Variants in SNX16 observed in about 807,000 individuals in gnomAD.
The protein encoded by SNX16 is sorting nexin 16.
SNX16 carries 35 observed loss-of-function variants against 36.7 expected under a neutral mutation model. The ratio of observed to expected loss-of-function variants is 0.95; its 90% CI spans 0.73 to 1.27. SNX16 has a LOEUF of 1.27. Ranked by LOEUF, SNX16 falls within the 50% of genes most tolerant of loss-of-function variation. The probability of loss-of-function intolerance (pLI) is 0.00; values close to 1 mark genes in which losing one functional copy is unlikely to be tolerated. For missense variants in SNX16, 367 were observed against 393.6 expected, an observed-to-expected ratio of 0.93 and a Z score of 0.57; for synonymous variants, 134 against 132.0, an observed-to-expected ratio of 1.02 and a Z score of -0.10.
At chr8:81,839,520 G>T in intron 2 of SNX16, 92 bp downstream of exon 2, 1 of 1,219,332 alleles carries the variant, frequency 8.2e-7, no homozygotes, top group Non-Finnish European at 1.1e-6. Flanking sequence ...GAAATTATAA[G>T]TACAAGTTTA....
intron 5 of SNX16, among the ~76,000 whole-genome samples, chr8:81,813,048 G>A (rs1312806025): frequency 6.6e-6 from 1 of 151,966 alleles, no homozygotes; most frequent in East Asian, 1.9e-4. Context: ...GGAGACAGAT[G>A]AGAGAAACAG....
chr8:81,837,378 C>G (rs929821771), intron 2 of SNX16, among the ~76,000 whole-genome samples: 3 of 152,212 alleles, frequency 2.0e-5, no homozygotes, highest in African/African-American at 7.2e-5. Context: ...TGGCCAAATA[C>G]TTGCATCTTC....
chr8:81,838,138 G>C (rs1811573796), intron 2 of SNX16, among the ~76,000 whole-genome samples: 1 of 152,056 alleles, frequency 6.6e-6, no homozygotes, highest in Admixed American at 6.6e-5. Flanking sequence ...TCTCTCACAA[G>C]AACATCAAAC....
chr8:81,806,323 G>A (rs1197370957), intron 5 of SNX16, among the ~76,000 whole-genome samples: 2 of 151,466 alleles, frequency 1.3e-5, no homozygotes, highest in South Asian at 2.1e-4. Context: ...AAAAAAATAC[G>A]CTGAATTTGC....
chr8:81,813,623 G>T (rs1179777652), intron 5 of SNX16, among the ~76,000 whole-genome samples: 2 of 151,792 alleles, frequency 1.3e-5, no homozygotes, highest in African/African-American at 2.4e-5. Context: ...TTCAAAGAAT[G>T]CCATTAAGAG....
In SNX16 at chr8:81,839,862, C is replaced by A. The variant is rs781042193; in HGVS notation, c.125G>T (p.Gly42Val). 1.2e-6 allele frequency: 2 copies of A among 1,613,850 alleles called. No homozygotes were observed. The highest frequency in any genetic ancestry group is 2.7e-5 in the African/African-American group (2 of 74,894). ...SVSTSSNSSK[G>V]QLEDSNMGNF... ...ACCCATATTTGAGTCTTCTAACTGGCCCTTAGAAGAATTTGAGCTTGTTGA... is the reference window on the plus strand; with the variant it reads ...ACCCATATTTGAGTCTTCTAACTGGACCTTAGAAGAATTTGAGCTTGTTGA... Residue 42 changes from glycine (G) to valine (V), a missense_variant, in exon 2 of 8, where the codon GGC (glycine) becomes GTC (valine). Physicochemically the swap from Gly to Val is moderately radical, Grantham distance 109 (BLOSUM62 -3). Coordinates refer to ENST00000345957, the MANE Select transcript of SNX16 (RefSeq NM_152836.3).
At position 81,839,844 on chromosome 8, in the gene SNX16, T is replaced by C. The variant is rs139939820; in HGVS notation, c.143A>G (p.Asn48Ser). 6,274 of 1,614,034 alleles carry C rather than the reference T, an allele frequency of 3.9e-3. 31 individuals are homozygous for C. Among genetic ancestry groups the C allele is most frequent in the South Asian group, 7.3e-3 (669 of 91,080 alleles). Residue 48 changes from asparagine (N) to serine (S), a missense_variant, in exon 2 of 8, where the codon AAT becomes AGT. By Grantham distance (46) the Asn-to-Ser change is conservative. Coordinates refer to ENST00000345957, the MANE Select transcript of SNX16 (RefSeq NM_152836.3). ...ACTTGTCTGTTTAAAATTACCCATA[T>C]TTGAGTCTTCTAACTGGCCCTTAGA... ...NSSKGQLEDS[N>S]MGNFKQTSVP...
chr8:81,812,852 T>C (rs1022356034), intron 5 of SNX16, among the ~76,000 whole-genome samples: 1 of 151,944 alleles, frequency 6.6e-6, no homozygotes, highest in Non-Finnish European at 1.5e-5. Flanking sequence ...ATATGTAAAA[T>C]AGATAACAAT....
intron 2 of SNX16, 109 bp downstream of exon 2, chr8:81,839,503 T>C (rs1811638956): frequency 8.8e-7 from 1 of 1,135,900 alleles, no homozygotes; most frequent in Non-Finnish European, 1.2e-6. Flanking sequence ...TAGAATTTCA[T>C]ATTCAAGAAA....
chr8:81,823,449 T>C (rs1810867753), intron 4 of SNX16, among the ~76,000 whole-genome samples: 1 of 152,094 alleles, frequency 6.6e-6, no homozygotes, highest in Non-Finnish European at 1.5e-5. Flanking sequence ...TTACATAGTA[T>C]CATATTAACC....
rs1326389688 is a variant in SNX16 at position 81,800,842 on chromosome 8, T to C, written c.*655A>G. On this transcript the variant is annotated 3_prime_UTR_variant, in exon 8 of 8. Transcript: ENST00000345957. ...TAACTGTGACACTTATTAAAGTATT[T>C]TGATATTAATGAATCAGCTTTTAAA... 1.3e-5 allele frequency: 2 copies of C among 152,228 alleles called. No individual in the cohort carries two copies. The highest frequency in any genetic ancestry group is 3.0e-5 in the Non-Finnish European group (2 of 67,676). The allele number at this position is 152,228 out of a possible 1,614,324, so 9.4% of individuals were successfully genotyped here.
chr8:81,825,498 A>G (rs1810970381), intron 3 of SNX16, among the ~76,000 whole-genome samples: 1 of 152,168 alleles, frequency 6.6e-6, no homozygotes, highest in Admixed American at 6.5e-5. Flanking sequence ...GTAATTTTAA[A>G]AAGCTTTCCA....
intron 4 of SNX16, among the ~76,000 whole-genome samples, chr8:81,822,747 A>C (rs1416685365): frequency 6.6e-6 from 1 of 151,900 alleles, no homozygotes; most frequent in Non-Finnish European, 1.5e-5. Flanking sequence ...AATATGTTTT[A>C]GGTTTGACGT....
At chr8:81,826,248 G>A (rs145812277) in intron 3 of SNX16, among the ~76,000 whole-genome samples, 1 of 152,218 alleles carries the variant, frequency 6.6e-6, no homozygotes, top group Admixed American at 6.5e-5. Flanking sequence ...TCAAGAGACA[G>A]ACATGTGGAA....
intron 2 of SNX16, among the ~76,000 whole-genome samples, chr8:81,830,176 A>C (rs1013258629): frequency 6.6e-6 from 1 of 152,186 alleles, no homozygotes; most frequent in African/African-American, 2.4e-5. Flanking sequence ...TCAAGAATGC[A>C]ATCCCATTTA....
chr8:81,826,120 A>T (rs1811008812), intron 3 of SNX16, among the ~76,000 whole-genome samples: 1 of 152,118 alleles, frequency 6.6e-6, no homozygotes, highest in Admixed American at 6.6e-5. Flanking sequence ...AGAAAATAAG[A>T]TCCAACAAAG....
At chr8:81,837,445 G>A (rs1356226735) in intron 2 of SNX16, among the ~76,000 whole-genome samples, 1 of 152,068 alleles carries the variant, frequency 6.6e-6, no homozygotes, top group Non-Finnish European at 1.5e-5. Flanking sequence ...CCATAAATTT[G>A]GTAGCTTGTA....
At chr8:81,807,292 G>A (rs1306076673) in intron 5 of SNX16, among the ~76,000 whole-genome samples, 1 of 151,914 alleles carries the variant, frequency 6.6e-6, no homozygotes, top group African/African-American at 2.4e-5. Context: ...GCTGAGGTGG[G>A]CAGATCACCT....
Position 81,802,470 on chromosome 8 carries a change from A to G in SNX16, c.848T>C (p.Leu283Pro). Residue 283 changes from leucine (L) to proline (P), a missense_variant, in exon 7 of 8, where the codon CTG becomes CCG. Physicochemically the swap from Leu to Pro is moderately conservative, Grantham distance 98. Coordinates refer to ENST00000345957, the MANE Select transcript of SNX16 (RefSeq NM_152836.3). ...TTCACCTTCTGTTTCTGACACATCC[A>G]GTGATTCTTCAGGTTCTAAAGACAA... ...RTLSLEPEES[L>P]DVSETEGEQI... The G allele has an allele frequency of 1.2e-6, 2 of 1,609,406 alleles. No individual in the cohort carries two copies. Among genetic ancestry groups the G allele is most frequent in the Non-Finnish European group, 1.7e-6 (2 of 1,177,240 alleles).
Sources: allele counts gnomAD v4.1 joint callset (sites outside exome capture counted in the v4.1 genomes callset), GRCh38; gene constraint gnomAD v4.1.1; transcripts MANE v1.5; gene names NCBI Gene and HGNC (gene_info 2026-07-23, HGNC 2026-07-21).